KCNAB1: variants seen among roughly 807,000 people sequenced by gnomAD.
KCNAB1 encodes potassium voltage-gated channel subfamily A regulatory beta subunit 1.
In KCNAB1, 35 loss-of-function variants were observed where a neutral mutation model predicts 64.6. The observed-to-expected ratio is 0.54, with a 90% CI of 0.41 to 0.72. The LOEUF is 0.72. Ranked by LOEUF, KCNAB1 falls within the 30% of genes least tolerant of loss-of-function variation. KCNAB1 has a pLI of 0.00. For synonymous variants in KCNAB1, 177 were observed against 183.8 expected (o/e 0.96, Z 0.30); for missense variants, 401 against 512.9 (o/e 0.78, Z 2.11).
rs149535232 is a variant in KCNAB1, at chr3:156,248,311, G to C, written c.275+127425G>C. Among the ~76,000 whole-genome samples the C allele has an allele frequency of 7.7e-3, 1,166 of 152,196 alleles. 13 individuals carry two copies. The highest frequency in any genetic ancestry group is 0.027 in the African/African-American group (1,114 of 41,524). ...TCCTTTTTTTGGTACAGTTGCAAGTGCCTAGGTTCCTAGCATTTACAAACA... is the reference window on the plus strand; with the variant it reads ...TCCTTTTTTTGGTACAGTTGCAAGTCCCTAGGTTCCTAGCATTTACAAACA... On this transcript the variant is annotated intron_variant, in intron 1 of 13. Transcript: ENST00000490337.
At chr3:156,240,209 A>G (rs1717082095) in intron 1 of KCNAB1, among the ~76,000 whole-genome samples, 1 of 152,218 alleles carries the variant, frequency 6.6e-6, no homozygotes, top group Admixed American at 6.5e-5. Context: ...AGCTTAAAAC[A>G]TAATAACACA....
intron 2 of KCNAB1, among the ~76,000 whole-genome samples, chr3:156,450,139 T>C (rs1711886029): frequency 6.6e-6 from 1 of 152,178 alleles, no homozygotes; most frequent in African/African-American, 2.4e-5. Context: ...TTCTGATGAA[T>C]GAGGAAATTA....
At chr3:156,173,135 G>A (rs367805086) in intron 1 of KCNAB1, among the ~76,000 whole-genome samples, 7 of 152,304 alleles carry the variant, frequency 4.6e-5, no homozygotes, top group South Asian at 2.1e-4. Context: ...AAGTCACTGC[G>A]GTCAACAGGC....
At position 156,536,707 on chromosome 3, in the gene KCNAB1, T is replaced by A; in HGVS notation, c.1220T>A (p.Leu407Gln). 1 of 1,613,544 alleles carries A rather than the reference T, an allele frequency of 6.2e-7. No individual in the cohort carries two copies. Among genetic ancestry groups the A allele is most frequent in the Non-Finnish European group, 8.5e-7 (1 of 1,179,442 alleles). ...GTGGTAAATGAGATTGATAACATAC[T>A]GCGCAACAAGCCCTACAGCAAGAAG... is the stretch of plus-strand genomic sequence containing the variant. Reference protein sequence around the residue: ...SHVVNEIDNILRNKPYSKKDY... With the variant: ...SHVVNEIDNIQRNKPYSKKDY... Residue 407 changes from leucine to glutamine, a missense_variant, in exon 14 of 14, where the codon CTG becomes CAG. Coordinates refer to ENST00000490337, the MANE Select transcript of KCNAB1 (RefSeq NM_172160.3).
At position 156,516,296 on chromosome 3, in the gene KCNAB1, C is replaced by G; in HGVS notation, c.892C>G (p.Leu298Val). The part of the protein sequence containing the change: ...IGVGAMTWSP[L>V]ACGIISGKYG... ...TGTTGGCGCAATGACATGGTCTCCACTTGCCTGTGGAATCATCTCAGGAAA... is the reference window on the plus strand; with the variant it reads ...TGTTGGCGCAATGACATGGTCTCCAGTTGCCTGTGGAATCATCTCAGGAAA... The change falls in exon 11 of 14, where the codon CTT becomes GTT. Residue 298 changes from leucine to valine, a missense_variant. Leu to Val is a conservative substitution (Grantham distance 32). Coordinates refer to ENST00000490337, the MANE Select transcript of KCNAB1 (RefSeq NM_172160.3). 1 of 1,613,976 alleles carries G rather than the reference C, an allele frequency of 6.2e-7. No homozygotes were observed. The highest frequency in any genetic ancestry group is 8.5e-7 in the Non-Finnish European group (1 of 1,179,820).
intron 1 of KCNAB1, chr3:156,143,204 C>T (rs774826353): frequency 6.2e-7 from 1 of 1,612,038 alleles, no homozygotes; most frequent in Non-Finnish European, 8.5e-7. Flanking sequence ...CCTGCCTGTG[C>T]AGACATCCCG....
intron 7 of KCNAB1, among the ~76,000 whole-genome samples, chr3:156,473,421 TC>T (rs2108316563): frequency 6.6e-6 from 1 of 152,282 alleles, no homozygotes; most frequent in South Asian, 2.1e-4. Flanking sequence ...CATACAACTG[TC>T]CCCAAAAGTG....
intron 4 of KCNAB1, 29 bp downstream of exon 4, chr3:156,457,561 A>C (rs1361147076): frequency 6.3e-7 from 1 of 1,578,806 alleles, no homozygotes; most frequent in Non-Finnish European, 8.7e-7. Flanking sequence ...GTGTCACTCA[A>C]ATGGCATCTG....
intron 1 of KCNAB1, among the ~76,000 whole-genome samples, chr3:156,408,501 C>T (rs987466864): frequency 6.6e-5 from 10 of 152,140 alleles, no homozygotes; most frequent in African/African-American, 2.4e-4. Flanking sequence ...CCTAGAGGGC[C>T]GGGCGCAGTG....
intron 1 of KCNAB1, among the ~76,000 whole-genome samples, chr3:156,274,689 C>T (rs114953632): frequency 7.0e-4 from 106 of 152,232 alleles, no homozygotes; most frequent in Middle Eastern, 3.4e-3. Flanking sequence ...AGTTATTTAA[C>T]ATTTCCTGGG....
intron 1 of KCNAB1, among the ~76,000 whole-genome samples, chr3:156,376,069 C>T (rs1232554518): frequency 5.3e-5 from 8 of 152,258 alleles, no homozygotes; most frequent in Non-Finnish European, 8.8e-5. Flanking sequence ...ATCCACCCGC[C>T]TTGGCATCCC....
At chr3:156,197,271 G>T (rs997682566) in intron 1 of KCNAB1, among the ~76,000 whole-genome samples, 29 of 151,798 alleles carry the variant, frequency 1.9e-4, no homozygotes, top group East Asian at 3.8e-4. Context: ...TTCTTTTTTT[G>T]TGTGTGTGTG....
At chr3:156,175,209 C>G (rs1712272240) in intron 1 of KCNAB1, among the ~76,000 whole-genome samples, 1 of 151,076 alleles carries the variant, frequency 6.6e-6, no homozygotes, top group Non-Finnish European at 1.5e-5. Context: ...TAGAGAAATA[C>G]AGAAAGAAAA....
intron 1 of KCNAB1, among the ~76,000 whole-genome samples, chr3:156,280,282 A>G (rs1465191757): frequency 6.7e-6 from 1 of 148,198 alleles, no homozygotes; most frequent in Non-Finnish European, 1.5e-5. Context: ...AGTTGTAGAT[A>G]TGCGGCGTTA....
chr3:156,440,432 A>G (rs569094649), intron 2 of KCNAB1, among the ~76,000 whole-genome samples: 5 of 152,354 alleles, frequency 3.3e-5, no homozygotes, highest in South Asian at 2.1e-4. Context: ...CCAGGCTGCC[A>G]GGAGCTGTTC....
intron 1 of KCNAB1, among the ~76,000 whole-genome samples, chr3:156,399,502 G>A (rs151234440): frequency 5.3e-4 from 81 of 152,144 alleles, no homozygotes; most frequent in African/African-American, 1.9e-3. Flanking sequence ...AATATGAACT[G>A]GGGAAACTAA....
In KCNAB1 at chr3:156,387,004, TTCTC is replaced by T. The variant is rs1306718735; in HGVS notation, c.276-34604_276-34601del. On this transcript the variant is annotated intron_variant, in intron 1 of 13. Coordinates refer to ENST00000490337, the MANE Select transcript of KCNAB1 (RefSeq NM_172160.3). Reference sequence around the variant, plus strand: ...GCTTGCTTTCTCTTGCTTGCTTGCTTTCTCTCTCTCTTTTTTTTTTTTTTTTTTT... The same window carrying T: ...GCTTGCTTTCTCTTGCTTGCTTGCTTTCTCTCTTTTTTTTTTTTTTTTTTT... 9.3e-3 allele frequency among the ~76,000 whole-genome samples: 1,222 copies of T among 131,644 alleles called. 10 individuals carry two copies. The highest frequency in any genetic ancestry group is 0.014 in the Admixed American group (198 of 13,774). The allele number at this position is 131,644 out of a possible 152,430, so 86.4% of individuals were successfully genotyped here. A position where few individuals can be genotyped will look rare whatever the true frequency, so the allele number is the denominator to read the frequency against.
chr3:156,470,714 AG>A (rs1396173879), intron 7 of KCNAB1, among the ~76,000 whole-genome samples: 1 of 152,234 alleles, frequency 6.6e-6, no homozygotes, highest in Non-Finnish European at 1.5e-5. Flanking sequence ...GGAGTAGGAG[AG>A]GAAAATAATC....
At chr3:156,359,939 C>G (rs183693106) in intron 1 of KCNAB1, among the ~76,000 whole-genome samples, 1 of 152,100 alleles carries the variant, frequency 6.6e-6, no homozygotes, top group Admixed American at 6.5e-5. Context: ...ACTAGTGGAC[C>G]ATTTTACTCC....
Sources: allele counts gnomAD v4.1 joint callset (sites outside exome capture counted in the v4.1 genomes callset), GRCh38; gene constraint gnomAD v4.1.1; transcripts MANE v1.5; gene names NCBI Gene and HGNC (gene_info 2026-07-23, HGNC 2026-07-21).